KIAA1958: variants seen among roughly 807,000 people sequenced by gnomAD.
KIAA1958 encodes KIAA1958.
In KIAA1958, 14 loss-of-function variants were observed where a neutral mutation model predicts 47.2. The ratio of observed to expected loss-of-function variants is 0.30; its 90% CI spans 0.20 to 0.46. The LOEUF (loss-of-function observed/expected upper bound fraction) is 0.46. Among genes scored for constraint, KIAA1958 ranks in the 20% least tolerant of loss-of-function variants. KIAA1958 has a pLI of 1.00. For missense variants in KIAA1958, 803 were observed against 909.2 expected, an observed-to-expected ratio of 0.88 and a Z score of 1.50; for synonymous variants, 354 against 353.3, an observed-to-expected ratio of 1.00 and a Z score of -0.02.
At chr9:112,595,661 G>C (rs1377956448) in intron 2 of KIAA1958, among the ~76,000 whole-genome samples, 4 of 118,574 alleles carry the variant, frequency 3.4e-5, no homozygotes, top group South Asian at 6.5e-4. Flanking sequence ...CTGGGCGACA[G>C]AGTGAGACTC....
rs143873636 is a variant in KIAA1958, at chr9:112,553,187, CCTT to C, written c.-24-20866_-24-20864del. Among the ~76,000 whole-genome samples the C allele has an allele frequency of 3.3e-3, 494 of 148,202 alleles. 18 individuals are homozygous for C. The East Asian group carries it at 0.084, about 25-fold the overall frequency. On this transcript the variant is annotated intron_variant, in intron 1 of 3. Coordinates refer to ENST00000337530, the MANE Select transcript of KIAA1958 (RefSeq NM_133465.4). Reference sequence around the variant, plus strand: ...CTCTCCCCTCTCCCCTCTCCCCTCCCCTTCTTTTCCTACTTTTAGACAGGGTCT... The same window carrying C: ...CTCTCCCCTCTCCCCTCTCCCCTCCCCTTTTCCTACTTTTAGACAGGGTCT...
chr9:112,519,177 A>G (rs1834494565), intron 1 of KIAA1958, among the ~76,000 whole-genome samples: 1 of 152,132 alleles, frequency 6.6e-6, no homozygotes, highest in South Asian at 2.1e-4. Flanking sequence ...TCCTGAGCTC[A>G]AGCAGTACTC....
intron 1 of KIAA1958, among the ~76,000 whole-genome samples, chr9:112,493,427 C>A (rs1834004292): frequency 6.6e-6 from 1 of 152,192 alleles, no homozygotes; most frequent in African/African-American, 2.4e-5. Context: ...TTGGTACCAC[C>A]TTCCATCCAT....
At chr9:112,569,784 C>G (rs953171334) in intron 1 of KIAA1958, among the ~76,000 whole-genome samples, 1 of 152,062 alleles carries the variant, frequency 6.6e-6, no homozygotes, top group East Asian at 1.9e-4. Context: ...CCATGCCTGA[C>G]TAATTTTTTT....
At chr9:112,571,108 A>G (rs1159151719) in intron 1 of KIAA1958, among the ~76,000 whole-genome samples, 1 of 152,212 alleles carries the variant, frequency 6.6e-6, no homozygotes, top group African/African-American at 2.4e-5. Flanking sequence ...AGATCTTCAC[A>G]TAATCCACTC....
chr9:112,635,202 A>G (rs1177026433), intron 2 of KIAA1958, among the ~76,000 whole-genome samples: 1 of 136,554 alleles, frequency 7.3e-6, no homozygotes, highest in East Asian at 2.3e-4. Context: ...TTTTATTTTG[A>G]GATTCTTTAT....
intron 2 of KIAA1958, among the ~76,000 whole-genome samples, chr9:112,595,120 G>A (rs1440297422): frequency 6.6e-6 from 1 of 152,130 alleles, no homozygotes; most frequent in Non-Finnish European, 1.5e-5. Flanking sequence ...ACCTGTTTCT[G>A]ACCTCCTTCA....
rs556418451 is a variant in KIAA1958, at chr9:112,667,129, T to C, written c.*7060T>C. ...ATGCTGCTTCAATAGAAAAGTAAAC[T>C]AGAAATTGGACTTGGAAATATGTTC... is the stretch of plus-strand genomic sequence containing the variant. On this transcript the variant is annotated 3_prime_UTR_variant, in exon 4 of 4. Coordinates refer to ENST00000337530, the MANE Select transcript of KIAA1958 (RefSeq NM_133465.4). 7 of 152,248 alleles carry C rather than the reference T, an allele frequency of 4.6e-5. No homozygotes were observed. In the South Asian group the frequency reaches 1.5e-3, roughly 32 times the overall value. The allele number at this position is 152,248 out of a possible 1,614,324, so 9.4% of individuals were successfully genotyped here. A position where few individuals can be genotyped will look rare whatever the true frequency, so the allele number is the denominator to read the frequency against.
In KIAA1958 at chr9:112,574,455, T is replaced by C. The variant is rs1835599764; in HGVS notation, c.375T>C (p.Cys125=). The C allele has an allele frequency of 6.2e-7, 1 of 1,614,034 alleles. No homozygotes were observed. Among genetic ancestry groups the C allele is most frequent in the African/African-American group, 1.3e-5 (1 of 74,916 alleles). Reference sequence around the variant, plus strand: ...GAGACTCTTGTGACTTCTCCTACTGTAGTGAGCCCTCTGAACTGGATGAAA... The same window carrying C: ...GAGACTCTTGTGACTTCTCCTACTGCAGTGAGCCCTCTGAACTGGATGAAA... ...RTRDSCDFSY[C]SEPSELDETV... The change falls in exon 2 of 4, where the codon TGT becomes TGC. Residue 125 remains cysteine, a synonymous_variant. Coordinates refer to ENST00000337530, the MANE Select transcript of KIAA1958 (RefSeq NM_133465.4).
intron 2 of KIAA1958, among the ~76,000 whole-genome samples, chr9:112,602,263 C>G (rs1385411477): frequency 3.3e-5 from 5 of 152,088 alleles, no homozygotes; most frequent in Non-Finnish European, 4.4e-5. Flanking sequence ...GGAGCTATTG[C>G]TATAATATTT....
chr9:112,659,019 C>CAAAAA (rs560013892), intron 3 of KIAA1958, among the ~76,000 whole-genome samples: 60 of 57,642 alleles, frequency 1.0e-3, no homozygotes, highest in African/African-American at 1.3e-3. Context: ...GACTCTGACT[C>CAAAAA]AAAAAAAAAA....
chr9:112,491,889 T>C (rs1587986226), intron 1 of KIAA1958, among the ~76,000 whole-genome samples: 1 of 152,318 alleles, frequency 6.6e-6, no homozygotes, highest in East Asian at 1.9e-4. Context: ...CTTTAACCTT[T>C]TCTGTCCTTT....
intron 2 of KIAA1958, among the ~76,000 whole-genome samples, chr9:112,589,438 C>A (rs777871327): frequency 2.6e-5 from 4 of 152,144 alleles, no homozygotes; most frequent in Non-Finnish European, 5.9e-5. Context: ...CTCTAGAGTA[C>A]AAAATTAGCT....
intron 2 of KIAA1958, among the ~76,000 whole-genome samples, chr9:112,639,566 C>A (rs914035414): frequency 3.9e-5 from 6 of 152,194 alleles, no homozygotes; most frequent in Non-Finnish European, 7.4e-5. Flanking sequence ...CATGCCTCCC[C>A]CTGCTGCATG....
At chr9:112,596,283 T>G (rs1836031559) in intron 2 of KIAA1958, among the ~76,000 whole-genome samples, 1 of 152,186 alleles carries the variant, frequency 6.6e-6, no homozygotes, top group South Asian at 2.1e-4. Flanking sequence ...TAGAGTTTGA[T>G]TCAAAGAATA....
At chr9:112,587,846 G>A (rs1835852295) in intron 2 of KIAA1958, among the ~76,000 whole-genome samples, 1 of 152,096 alleles carries the variant, frequency 6.6e-6, no homozygotes, top group Non-Finnish European at 1.5e-5. Flanking sequence ...CCAAAAATCT[G>A]AACAAATGCA....
At position 112,574,263 on chromosome 9, in the gene KIAA1958, A is replaced by G. The variant is rs972853920; in HGVS notation, c.183A>G (p.Thr61=). 5 of 1,614,002 alleles carry G rather than the reference A, an allele frequency of 3.1e-6. No homozygotes were observed. The highest frequency in any genetic ancestry group is 1.1e-5 in the South Asian group (1 of 91,076). ...SAGHAYHWPL[T]ATCRAGSQER... ...GCCATGCTTATCACTGGCCACTAAC[A>G]GCTACTTGCAGAGCTGGGTCCCAAG... The change falls in exon 2 of 4, where the codon ACA becomes ACG. Residue 61 remains threonine, a synonymous_variant. Transcript: ENST00000337530.
intron 1 of KIAA1958, among the ~76,000 whole-genome samples, chr9:112,566,039 G>A (rs1835422516): frequency 1.3e-5 from 2 of 152,080 alleles, no homozygotes; most frequent in African/African-American, 2.4e-5. Flanking sequence ...CAGTAGTTGG[G>A]ACTACAGGCG....
At chr9:112,501,565 A>C (rs1834139692) in intron 1 of KIAA1958, among the ~76,000 whole-genome samples, 1 of 152,242 alleles carries the variant, frequency 6.6e-6, no homozygotes, top group South Asian at 2.1e-4. Context: ...AATTGGTCTT[A>C]GAAGAAAATC....
Sources: allele counts gnomAD v4.1 joint callset (sites outside exome capture counted in the v4.1 genomes callset), GRCh38; gene constraint gnomAD v4.1.1; transcripts MANE v1.5; gene names NCBI Gene and HGNC (gene_info 2026-07-23, HGNC 2026-07-21).